The following ZBTB46 variants were observed in gnomAD, a reference collection of about 807,000 sequenced individuals.
ZBTB46 encodes the protein zinc finger and BTB domain containing 46, also known as zinc finger and BTB domain-containing protein 46.
In ZBTB46, 8 loss-of-function variants were observed where a neutral mutation model predicts 44.1. That is an observed-to-expected ratio of 0.18 (90% CI 0.11 to 0.33). ZBTB46 has a LOEUF of 0.33. Among genes scored for constraint, ZBTB46 ranks in the 10% least tolerant of loss-of-function variants. ZBTB46 has a pLI of 1.00. For missense variants in ZBTB46, 651 were observed against 847.7 expected (o/e 0.77, Z 2.88); for synonymous variants, 409 against 382.3 (o/e 1.07, Z -0.81).
At position 63,779,213 on chromosome 20, in the gene ZBTB46, AATTTT is replaced by A. The variant is rs200157168; in HGVS notation, c.938-3256_938-3252del. Among the ~76,000 whole-genome samples, 221 of 113,502 alleles carry A rather than the reference AATTTT, an allele frequency of 1.9e-3. 3 individuals carry two copies. Among genetic ancestry groups the A allele is most frequent in the Middle Eastern group, 4.2e-3 (1 of 238 alleles). 74.5% of individuals were successfully genotyped at this position (113,502 alleles called of 152,430 possible). ...TAACAGGCTTCAAAAAAAATCACCC[AATTTT>A]ATTTTATTTAATTAATTAATTAATT... is the stretch of plus-strand genomic sequence containing the variant. On this transcript the variant is annotated intron_variant, in intron 2 of 4. Transcript: ENST00000245663.
At chr20:63,765,223 A>G (rs562294094) in intron 3 of ZBTB46, among the ~76,000 whole-genome samples, 81 of 152,000 alleles carry the variant, frequency 5.3e-4, no homozygotes, top group African/African-American at 1.9e-3. Context: ...TTTGCCCCTC[A>G]AGTCCCGGCT....
rs2092183912 is a variant in ZBTB46 at position 63,752,930 on chromosome 20, G to A, written c.1223-69C>T. On this transcript the variant is annotated intron_variant, in intron 3 of 4. Transcript: ENST00000245663. This position sits in a 1 kb window ranked among gnomAD's most constrained non-coding sequence, Gnocchi z 5.6. Reference sequence around the variant, plus strand: ...TACCGCCCTGCGGCCCACAGACCACGGCTGCACGCCGCAGCCCAGCAGCCA... The same window carrying A: ...TACCGCCCTGCGGCCCACAGACCACAGCTGCACGCCGCAGCCCAGCAGCCA... The A allele has an allele frequency of 4.0e-6, 6 of 1,500,168 alleles. No individual in the cohort carries two copies. The highest frequency in any genetic ancestry group is 1.3e-5 in the South Asian group (1 of 77,694). The allele number at this position is 1,500,168 out of a possible 1,614,324, so 92.9% of individuals were successfully genotyped here.
chr20:63,752,640 C>T lies in ZBTB46; in HGVS notation c.1398+46G>A, dbSNP rs1402169563. Reference sequence around the variant, plus strand: ...CATCAGGACCCGCCTGCCCGGACATCGTGGCCACGCGCAGCGCGCGGCACG... The same window carrying T: ...CATCAGGACCCGCCTGCCCGGACATTGTGGCCACGCGCAGCGCGCGGCACG... On this transcript the variant is annotated intron_variant, in intron 4 of 4. Coordinates refer to ENST00000245663, the MANE Select transcript of ZBTB46 (RefSeq NM_001369741.1). The surrounding 1 kb of genome is among the most constrained non-coding windows in gnomAD (Gnocchi z 5.6). The T allele has an allele frequency of 6.8e-7, 1 of 1,461,358 alleles. No individual in the cohort carries two copies. Among genetic ancestry groups the T allele is most frequent in the East Asian group, 2.5e-5 (1 of 39,502 alleles). 90.5% of individuals were successfully genotyped at this position (1,461,358 alleles called of 1,614,324 possible).
intron 3 of ZBTB46, among the ~76,000 whole-genome samples, chr20:63,773,430 C>T (rs200307534): frequency 6.6e-6 from 1 of 152,020 alleles, no homozygotes; most frequent in East Asian, 1.9e-4. Flanking sequence ...CCCCACGTTG[C>T]CCAGGCTCCC....
chr20:63,816,142 T>C (rs781150443), intron 1 of ZBTB46, among the ~76,000 whole-genome samples: 3 of 94,684 alleles, frequency 3.2e-5, no homozygotes, highest in African/African-American at 1.0e-4. Flanking sequence ...GTGCAGTGGG[T>C]GCAGGTGCAG....
At chr20:63,760,011 T>C (rs1312218635) in intron 3 of ZBTB46, among the ~76,000 whole-genome samples, 1 of 152,330 alleles carries the variant, frequency 6.6e-6, no homozygotes, top group East Asian at 1.9e-4. Flanking sequence ...ACACGGTTCT[T>C]CCTCTGTCTC....
chr20:63,744,069 C>A lies in ZBTB46; in HGVS notation c.*2861G>T, dbSNP rs907256507. On this transcript the variant is annotated 3_prime_UTR_variant, in exon 5 of 5. Coordinates refer to ENST00000245663, the MANE Select transcript of ZBTB46 (RefSeq NM_001369741.1). ...AAAAGCACACACAGCACCCTCACTA[C>A]AAGTAGTTCTAAAAGGGCTGCATAC... is the stretch of plus-strand genomic sequence containing the variant. 6.6e-6 allele frequency: 1 copy of A among 152,344 alleles called. No homozygotes were observed. The highest frequency in any genetic ancestry group is 1.5e-5 in the Non-Finnish European group (1 of 68,016). 9.4% of individuals were successfully genotyped at this position (152,344 alleles called of 1,614,324 possible).
intron 1 of ZBTB46, among the ~76,000 whole-genome samples, chr20:63,818,887 A>AG (rs1381491381): frequency 1.9e-4 from 28 of 147,286 alleles, no homozygotes; most frequent in African/African-American, 6.8e-4. Context: ...AAAAAAAAAA[A>AG]AAGAAGGCCA....
chr20:63,792,866 G>A (rs1460082576), intron 1 of ZBTB46, among the ~76,000 whole-genome samples: 2 of 152,180 alleles, frequency 1.3e-5, no homozygotes, highest in African/African-American at 2.4e-5. Flanking sequence ...TTCACAGGCC[G>A]GGAAGATGAG....
At chr20:63,760,160 C>T (rs2092260757) in intron 3 of ZBTB46, among the ~76,000 whole-genome samples, 2 of 152,194 alleles carry the variant, frequency 1.3e-5, no homozygotes, top group Admixed American at 1.3e-4. Flanking sequence ...TTCCTTTCTT[C>T]TAGTATTTGG....
At chr20:63,809,068 G>C (rs1447441695) in intron 1 of ZBTB46, among the ~76,000 whole-genome samples, 1 of 151,386 alleles carries the variant, frequency 6.6e-6, no homozygotes, top group Non-Finnish European at 1.5e-5. Flanking sequence ...CTGGCGGCTC[G>C]GTGCTCCGGT....
intron 3 of ZBTB46, chr20:63,768,079 T>C (rs2145829311): frequency 1.0e-6 from 1 of 985,424 alleles, no homozygotes; most frequent in Non-Finnish European, 1.2e-6. Flanking sequence ...TCACCTGGGA[T>C]GTTGTCCAAT....
At chr20:63,826,706 CAG>C (rs1222760170) in intron 1 of ZBTB46, among the ~76,000 whole-genome samples, 1 of 152,230 alleles carries the variant, frequency 6.6e-6, no homozygotes, top group Non-Finnish European at 1.5e-5. Flanking sequence ...GCCTGCGCGA[CAG>C]AGCGAGACTC....
At position 63,768,369 on chromosome 20, in the gene ZBTB46, T is replaced by C. The variant is rs112262918; in HGVS notation, c.1222+7309A>G. On this transcript the variant is annotated intron_variant, in intron 3 of 4. Coordinates refer to ENST00000245663, the MANE Select transcript of ZBTB46 (RefSeq NM_001369741.1). ...ACTTTGGGAGGCCGAGGCAGGCGGATCACCTGAGGTCAGGAGTTCAAGACC... is the reference window on the plus strand; with the variant it reads ...ACTTTGGGAGGCCGAGGCAGGCGGACCACCTGAGGTCAGGAGTTCAAGACC... Among the ~76,000 whole-genome samples, 3 of 152,270 alleles carry C rather than the reference T, an allele frequency of 2.0e-5. No individual in the cohort carries two copies. The East Asian group carries it at 5.8e-4, about 29-fold the overall frequency.
chr20:63,798,363 TACAAAAAATACAAAAATTAGCTG>T (rs1419753716), intron 1 of ZBTB46, among the ~76,000 whole-genome samples: 1 of 152,010 alleles, frequency 6.6e-6, no homozygotes, highest in East Asian at 1.9e-4. Context: ...ACCCGGTCTT[TACAAAAAATACAAAAATTAGCTG>T]GGCGTTGGCC....
intron 1 of ZBTB46, among the ~76,000 whole-genome samples, chr20:63,792,953 G>C (rs1262429790): frequency 2.6e-5 from 4 of 152,172 alleles, no homozygotes; most frequent in Admixed American, 1.3e-4. Context: ...GATGGTGTGG[G>C]GTTCCCAGGC....
At position 63,790,053 on chromosome 20, in the gene ZBTB46, C is replaced by A. The variant is rs115752230; in HGVS notation, c.705G>T (p.Pro235=). The A allele has an allele frequency of 2.9e-4, 465 of 1,614,026 alleles. 1 individual carries two copies. The African/African-American group carries it at 5.6e-3, about 20-fold the overall frequency. ...PLRIKEEQVS[P]SQYGGSELPS... is the part of the protein sequence containing the mutation. ...GCAGCTCGCTCCCTCCGTACTGAGACGGTGAAACCTGCTCTTCCTTGATGC... is the reference window on the plus strand; with the variant it reads ...GCAGCTCGCTCCCTCCGTACTGAGAAGGTGAAACCTGCTCTTCCTTGATGC... The change falls in exon 2 of 5, where the codon CCG becomes CCT. Residue 235 remains proline (P), a synonymous_variant. Transcript: ENST00000245663.
At chr20:63,827,042 C>T (rs11700373) in intron 1 of ZBTB46, among the ~76,000 whole-genome samples, 11,963 of 152,122 alleles carry the variant, frequency 0.079, 932 homozygotes, top group East Asian at 0.44. Context: ...CTTTGGGCTC[C>T]GGTGCCACTC....
At chr20:63,768,943 T>C (rs530166591) in intron 3 of ZBTB46, among the ~76,000 whole-genome samples, 1 of 152,258 alleles carries the variant, frequency 6.6e-6, no homozygotes, top group South Asian at 2.1e-4. Context: ...GTCTTTACAT[T>C]AAGGGAAAAA....
Sources: allele counts gnomAD v4.1 joint callset (sites outside exome capture counted in the v4.1 genomes callset), GRCh38; gene constraint gnomAD v4.1.1; non-coding constraint Gnocchi (gnomAD v3.1); transcripts MANE v1.5; gene names NCBI Gene and HGNC (gene_info 2026-07-23, HGNC 2026-07-21).